The following FGF12 variants were observed in gnomAD, a reference collection of about 807,000 sequenced individuals.
The protein encoded by FGF12 is fibroblast growth factor 12B.
Under a neutral mutation model 23.6 loss-of-function variants are expected in FGF12, and 14 were observed. The ratio of observed to expected loss-of-function variants is 0.59; its 90% CI spans 0.39 to 0.93. FGF12 has a LOEUF of 0.93. FGF12 is among the 40% of genes least tolerant of loss of function. The pLI is 0.00. For synonymous variants in FGF12, 62 were observed against 77.3 expected, an observed-to-expected ratio of 0.80 and a Z score of 1.04; for missense variants, 175 against 217.8, an observed-to-expected ratio of 0.80 and a Z score of 1.24.
chr3:192,378,116 TCTTTG>T (rs1444032069), intron 2 of FGF12, among the ~76,000 whole-genome samples: 1 of 42,218 alleles, frequency 2.4e-5, no homozygotes, highest in Non-Finnish European at 5.0e-5. Flanking sequence ...CTTCTTTCTC[TCTTTG>T]TTTTTTTTTC....
chr3:192,689,837 C>A (rs1243771742), intron 2 of FGF12, among the ~76,000 whole-genome samples: 1 of 151,074 alleles, frequency 6.6e-6, no homozygotes, highest in Non-Finnish European at 1.5e-5. Context: ...AAATTCAACC[C>A]AAAGAAGAGT....
chr3:192,477,537 T>C (rs190599519), intron 2 of FGF12, among the ~76,000 whole-genome samples: 1 of 152,354 alleles, frequency 6.6e-6, no homozygotes, highest in East Asian at 1.9e-4. Context: ...AGATACTTTA[T>C]TCCCAATGAT....
intron 5 of FGF12, 33 bp downstream of exon 5, chr3:192,170,425 G>T: frequency 6.3e-7 from 1 of 1,582,432 alleles, no homozygotes; most frequent in Non-Finnish European, 8.7e-7. Flanking sequence ...ACACAGATAA[G>T]GGTCCAACAA....
intron 4 of FGF12, among the ~76,000 whole-genome samples, chr3:192,248,233 A>G (rs1025915270): frequency 6.6e-6 from 1 of 152,218 alleles, no homozygotes; most frequent in Admixed American, 6.5e-5. Flanking sequence ...GGACATAGTT[A>G]AAGTGTACAT....
intron 4 of FGF12, among the ~76,000 whole-genome samples, chr3:192,270,784 GT>G (rs1211824130): frequency 2.7e-4 from 38 of 140,618 alleles, no homozygotes; most frequent in African/African-American, 9.7e-4. Flanking sequence ...GGGAAGAAAA[GT>G]GGGAAGGAAG....
At chr3:192,335,687 A>C (rs147288652) in intron 3 of FGF12, among the ~76,000 whole-genome samples, 1 of 152,202 alleles carries the variant, frequency 6.6e-6, no homozygotes, top group African/African-American at 2.4e-5. Flanking sequence ...CTCTGTACTA[A>C]AGGGGTTGGA....
intron 2 of FGF12, among the ~76,000 whole-genome samples, chr3:192,605,032 A>G (rs557196515): frequency 6.6e-6 from 1 of 152,254 alleles, no homozygotes; most frequent in Admixed American, 6.5e-5. Flanking sequence ...TTCATGATAT[A>G]CAAAAACTCA....
intron 4 of FGF12, among the ~76,000 whole-genome samples, chr3:192,205,677 G>A (rs1717611179): frequency 6.6e-6 from 1 of 152,168 alleles, no homozygotes; most frequent in Non-Finnish European, 1.5e-5. Flanking sequence ...GCCACCTCAT[G>A]TTTTCGGCCT....
chr3:192,292,565 C>A (rs1329735032), intron 4 of FGF12, among the ~76,000 whole-genome samples: 1 of 152,054 alleles, frequency 6.6e-6, no homozygotes, highest in Non-Finnish European at 1.5e-5. Context: ...AAAAATCATT[C>A]ATTTATTCAA....
At chr3:192,641,266 C>T (rs1486364182) in intron 2 of FGF12, among the ~76,000 whole-genome samples, 3 of 94,616 alleles carry the variant, frequency 3.2e-5, no homozygotes, top group African/African-American at 3.8e-5. Context: ...CCACTACGCC[C>T]GCCTAATTTT....
At chr3:192,490,075 A>C (rs1008863245) in intron 2 of FGF12, among the ~76,000 whole-genome samples, 7 of 152,146 alleles carry the variant, frequency 4.6e-5, no homozygotes, top group African/African-American at 1.7e-4. Flanking sequence ...CATTTGATGA[A>C]GACACTGAAG....
chr3:192,667,529 G>A (rs1259810598), intron 2 of FGF12, among the ~76,000 whole-genome samples: 1 of 143,876 alleles, frequency 7.0e-6, no homozygotes, highest in Non-Finnish European at 1.5e-5. Context: ...AGCATCACTA[G>A]AACCCAGGAG....
At chr3:192,162,086 T>G (rs754507480) in intron 5 of FGF12, among the ~76,000 whole-genome samples, 2 of 152,156 alleles carry the variant, frequency 1.3e-5, no homozygotes, top group Non-Finnish European at 2.9e-5. Context: ...CAAATTTAAT[T>G]GAATTTTCCT....
At chr3:192,205,169 CT>C (rs1204656369) in intron 4 of FGF12, among the ~76,000 whole-genome samples, 23 of 152,282 alleles carry the variant, frequency 1.5e-4, no homozygotes, top group Admixed American at 2.0e-4. Flanking sequence ...TAGAAAATCT[CT>C]TAGTGTAATA....
chr3:192,210,947 T>C (rs534460797), intron 4 of FGF12, among the ~76,000 whole-genome samples: 17 of 152,142 alleles, frequency 1.1e-4, no homozygotes, highest in Non-Finnish European at 2.4e-4. Context: ...CAGAGATGTA[T>C]TGATGGGTTA....
In FGF12 at chr3:192,142,797, CA is replaced by C. The variant is rs1577167013; in HGVS notation, c.*1211del. The C allele has an allele frequency of 6.6e-6, 1 of 151,962 alleles. No individual in the cohort carries two copies. The highest frequency in any genetic ancestry group is 2.4e-5 in the African/African-American group (1 of 41,386). The allele number at this position is 151,962 out of a possible 1,614,324, so 9.4% of individuals were successfully genotyped here. On this transcript the variant is annotated 3_prime_UTR_variant, in exon 6 of 6. Transcript: ENST00000445105. ...TGTGTTCTAGGAAACAAATGAATTG[CA>C]AACTGGACTTGTAACAGGATCATAC... is the stretch of plus-strand genomic sequence containing the variant.
intron 2 of FGF12, among the ~76,000 whole-genome samples, chr3:192,376,343 T>A (rs754022165): frequency 6.0e-4 from 25 of 41,432 alleles, no homozygotes; most frequent in South Asian, 3.7e-3. Context: ...AATTTAATTT[T>A]ATTTATTTAT....
chr3:192,711,262 C>A (rs1372759764), intron 2 of FGF12, among the ~76,000 whole-genome samples: 1 of 124,774 alleles, frequency 8.0e-6, no homozygotes, highest in African/African-American at 4.1e-5. Context: ...CCTGCCCGGC[C>A]AGCCGCCCCG....
chr3:192,412,426 G>C (rs1037574583), intron 2 of FGF12, among the ~76,000 whole-genome samples: 1 of 152,202 alleles, frequency 6.6e-6, no homozygotes, highest in African/African-American at 2.4e-5. Flanking sequence ...CATCAAGTTA[G>C]GCATTTAAAG....
Sources: allele counts gnomAD v4.1 joint callset (sites outside exome capture counted in the v4.1 genomes callset), GRCh38; gene constraint gnomAD v4.1.1; transcripts MANE v1.5; gene names NCBI Gene and HGNC (gene_info 2026-07-23, HGNC 2026-07-21).